Variants in DCAF10 observed in about 807,000 individuals in gnomAD.
DCAF10 encodes the protein DDB1- and CUL4-associated factor 10.
DCAF10 carries 19 observed loss-of-function variants against 51.9 expected under a neutral mutation model. The observed-to-expected ratio is 0.37, with a 90% CI of 0.26 to 0.54. DCAF10 has a LOEUF of 0.54. Among genes scored for constraint, DCAF10 ranks in the 20% least tolerant of loss-of-function variants. The probability of loss-of-function intolerance (pLI) is 0.87; values close to 1 mark genes in which losing one functional copy is unlikely to be tolerated. For missense variants in DCAF10, 510 were observed against 730.6 expected (o/e 0.70, Z 3.48); for synonymous variants, 291 against 297.1 (o/e 0.98, Z 0.21).
intron 2 of DCAF10, chr9:37,836,366 A>C: frequency 6.2e-7 from 1 of 1,610,790 alleles, no homozygotes; most frequent in Non-Finnish European, 8.5e-7. Flanking sequence ...TCTGGGAAAC[A>C]CTATCAGAAG....
Position 37,866,986 on chromosome 9 carries a change from T to C in DCAF10, c.*5478T>C, listed in dbSNP as rs149016838. The C allele has an allele frequency of 2.6e-5, 4 of 152,324 alleles. No individual in the cohort carries two copies. In the East Asian group the frequency reaches 7.7e-4, roughly 29 times the overall value. 9.4% of individuals were successfully genotyped at this position (152,324 alleles called of 1,614,324 possible). A position where few individuals can be genotyped will look rare whatever the true frequency, so the allele number is the denominator to read the frequency against. On this transcript the variant is annotated 3_prime_UTR_variant, in exon 7 of 7. Transcript: ENST00000377724. ...TAAAACATAGGCTTAAATTATCACG[T>C]ATTGTTACAAAGACACAGTTTTGTC...
intron 2 of DCAF10, among the ~76,000 whole-genome samples, chr9:37,824,072 G>A (rs1035366415): frequency 6.6e-6 from 1 of 151,728 alleles, no homozygotes; most frequent in Non-Finnish European, 1.5e-5. Context: ...GTAGAGATGG[G>A]GTTTCACCAC....
rs1829960813 is a variant in DCAF10 at position 37,829,979 on chromosome 9, G to A, written c.653+10578G>A. ...GATTGCACCACTGCATTCCAGTCTG[G>A]GTGACAGAGCAAGACCCTGTCTCTT... On this transcript the variant is annotated intron_variant, in intron 2 of 6. Transcript: ENST00000377724. The surrounding 1 kb of genome is among the most constrained non-coding windows in gnomAD (Gnocchi z 4.2). Among the ~76,000 whole-genome samples the A allele has an allele frequency of 1.3e-5, 2 of 152,096 alleles. No homozygotes were observed. The highest frequency in any genetic ancestry group is 2.9e-5 in the Non-Finnish European group (2 of 68,028).
chr9:37,851,307 C>T (rs1029365328), intron 3 of DCAF10, among the ~76,000 whole-genome samples: 8 of 151,968 alleles, frequency 5.3e-5, no homozygotes, highest in African/African-American at 1.4e-4. Context: ...CTCAGCCTCT[C>T]AAGTACCTGG....
At position 37,801,568 on chromosome 9, in the gene DCAF10, C is replaced by T; in HGVS notation, c.539+163C>T. The T allele has an allele frequency of 1.1e-6, 1 of 897,958 alleles. No homozygotes were observed. The highest frequency in any genetic ancestry group is 1.5e-6 in the Non-Finnish European group (1 of 658,996). The allele number at this position is 897,958 out of a possible 1,614,324, so 55.6% of individuals were successfully genotyped here. ...GGCACTTTCTGAAGCGCATTCTCGC[C>T]CTTGGAATCCCCAGCCCAGCTTTTT... On this transcript the variant is annotated intron_variant, in intron 1 of 6. Transcript: ENST00000377724. The surrounding 1 kb of genome is among the most constrained non-coding windows in gnomAD (Gnocchi z 5.5).
chr9:37,821,514 A>T (rs893526362), intron 2 of DCAF10, among the ~76,000 whole-genome samples: 3 of 152,224 alleles, frequency 2.0e-5, no homozygotes, highest in African/African-American at 7.2e-5. Flanking sequence ...CAAAGCAAAC[A>T]AAAACATAAA....
intron 3 of DCAF10, among the ~76,000 whole-genome samples, chr9:37,846,925 A>T (rs1396027754): frequency 6.6e-6 from 1 of 152,176 alleles, no homozygotes; most frequent in East Asian, 1.9e-4. Flanking sequence ...GTCTACTATT[A>T]TCCTGATACC....
At chr9:37,855,292 A>G (rs1830814637) in intron 4 of DCAF10, among the ~76,000 whole-genome samples, 1 of 152,204 alleles carries the variant, frequency 6.6e-6, no homozygotes, top group South Asian at 2.1e-4. Context: ...AATCATCACT[A>G]TCTCAAAAAT....
chr9:37,852,390 A>G (rs1830681321), intron 3 of DCAF10, among the ~76,000 whole-genome samples: 1 of 152,188 alleles, frequency 6.6e-6, no homozygotes, highest in Admixed American at 6.6e-5. Context: ...TGAGACCAGG[A>G]GTTCCAAGAC....
At chr9:37,859,066 T>C (rs1367135746) in intron 5 of DCAF10, among the ~76,000 whole-genome samples, 1 of 152,270 alleles carries the variant, frequency 6.6e-6, no homozygotes, top group African/African-American at 2.4e-5. Flanking sequence ...TATATTTTTC[T>C]CTAAAATTGT....
chr9:37,846,584 G>A (rs1050334553), intron 3 of DCAF10, among the ~76,000 whole-genome samples: 1 of 152,010 alleles, frequency 6.6e-6, no homozygotes, highest in Non-Finnish European at 1.5e-5. Flanking sequence ...AGCCTCCTAA[G>A]TAGCTGGGAT....
chr9:37,805,812 C>T (rs1829097494), intron 1 of DCAF10, among the ~76,000 whole-genome samples: 1 of 152,198 alleles, frequency 6.6e-6, no homozygotes, highest in South Asian at 2.1e-4. Context: ...TAGCTTGGCG[C>T]AGTGGCTCAC....
chr9:37,833,427 C>T (rs985049358), intron 2 of DCAF10, among the ~76,000 whole-genome samples: 1 of 152,004 alleles, frequency 6.6e-6, no homozygotes, highest in Non-Finnish European at 1.5e-5. Context: ...AGTGGGGGAT[C>T]GTCTGTAGTT....
chr9:37,866,415 C>T lies in DCAF10; in HGVS notation c.*4907C>T, dbSNP rs1188856362. 1 of 152,416 alleles carries T rather than the reference C, an allele frequency of 6.6e-6. No individual in the cohort carries two copies. Among genetic ancestry groups the T allele is most frequent in the Non-Finnish European group, 1.5e-5 (1 of 68,032 alleles). The allele number at this position is 152,416 out of a possible 1,614,324, so 9.4% of individuals were successfully genotyped here. Reference sequence around the variant, plus strand: ...AACAAATATGTTATAAAGTGATTCTCTCAGCCCTGAGGTATACAGAATCAT... The same window carrying T: ...AACAAATATGTTATAAAGTGATTCTTTCAGCCCTGAGGTATACAGAATCAT... On this transcript the variant is annotated 3_prime_UTR_variant, in exon 7 of 7. Transcript: ENST00000377724.
intron 3 of DCAF10, among the ~76,000 whole-genome samples, chr9:37,851,744 A>T (rs959188300): frequency 6.6e-6 from 1 of 151,392 alleles, no homozygotes; most frequent in Admixed American, 6.6e-5. Context: ...GCAGTGAGCC[A>T]AGATCATGCC....
intron 1 of DCAF10, among the ~76,000 whole-genome samples, chr9:37,806,543 G>A (rs1317735547): frequency 6.6e-6 from 1 of 152,176 alleles, no homozygotes. Flanking sequence ...CTACAGCCCC[G>A]GGAGATCCAG....
At chr9:37,821,118 C>T (rs1211650094) in intron 2 of DCAF10, among the ~76,000 whole-genome samples, 1 of 151,732 alleles carries the variant, frequency 6.6e-6, no homozygotes, top group African/African-American at 2.4e-5. Flanking sequence ...CACACACACA[C>T]TCACACATAT....
At chr9:37,860,231 T>C (rs1330952962) in intron 6 of DCAF10, 38 bp downstream of exon 6, 1 of 1,611,656 alleles carries the variant, frequency 6.2e-7, no homozygotes, top group South Asian at 1.1e-5. Flanking sequence ...CAGGGCTCAT[T>C]GGACAAATTG....
intron 3 of DCAF10, among the ~76,000 whole-genome samples, chr9:37,849,767 C>A (rs1431562393): frequency 6.6e-6 from 1 of 152,052 alleles, no homozygotes; most frequent in Admixed American, 6.6e-5. Flanking sequence ...GTAATCCCAG[C>A]TACTCAGGAG....
Sources: allele counts gnomAD v4.1 joint callset (sites outside exome capture counted in the v4.1 genomes callset), GRCh38; gene constraint gnomAD v4.1.1; non-coding constraint Gnocchi (gnomAD v3.1); transcripts MANE v1.5; gene names NCBI Gene and HGNC (gene_info 2026-07-23, HGNC 2026-07-21).